R3HDM2: variants seen among roughly 807,000 people sequenced by gnomAD.
R3HDM2 encodes R3H domain containing 2.
In R3HDM2, 38 loss-of-function variants were observed where a neutral mutation model predicts 124.5. That is an observed-to-expected ratio of 0.31 (90% CI 0.24 to 0.40). R3HDM2 has a LOEUF of 0.40. R3HDM2 is among the 10% of genes least tolerant of loss of function. The pLI is 1.00. For synonymous variants in R3HDM2, 391 were observed against 448.0 expected, an observed-to-expected ratio of 0.87 and a Z score of 1.61; for missense variants, 869 against 1,236.9, an observed-to-expected ratio of 0.70 and a Z score of 4.46.
In R3HDM2 at chr12:57,381,490, A is replaced by C. The variant is rs147418756; in HGVS notation, c.-36+14259T>G. Among the ~76,000 whole-genome samples the C allele has an allele frequency of 9.0e-3, 1,331 of 147,566 alleles. 13 individuals carry two copies. Among genetic ancestry groups the C allele is most frequent in the African/African-American group, 0.032 (1,292 of 40,032 alleles). On this transcript the variant is annotated intron_variant, in intron 2 of 23. Coordinates refer to ENST00000402412, the MANE Select transcript of R3HDM2 (RefSeq NM_001394031.1). ...AATCCAGGAGGCGGAAGTTGCAGTG[A>C]GCCGAGATCGTACCACTGCACTCCA...
At position 57,372,030 on chromosome 12, in the gene R3HDM2, G is replaced by T. The variant is rs1025531751; in HGVS notation, c.-36+23719C>A. ...TTGCAGGCATGCACCAACACACCGG[G>T]CTAATTTTTTATTTTTAGTAGAGAT... On this transcript the variant is annotated intron_variant, in intron 2 of 23. Coordinates refer to ENST00000402412, the MANE Select transcript of R3HDM2 (RefSeq NM_001394031.1). Among the ~76,000 whole-genome samples, 4 of 152,294 alleles carry T rather than the reference G, an allele frequency of 2.6e-5. No individual in the cohort carries two copies. In the South Asian group the frequency reaches 8.3e-4, roughly 32 times the overall value.
chr12:57,427,845 G>A (rs886635602), intron 1 of R3HDM2, among the ~76,000 whole-genome samples: 1 of 152,006 alleles, frequency 6.6e-6, no homozygotes, highest in African/African-American at 2.4e-5. Flanking sequence ...GCTCACACCT[G>A]TAATCCCTAC....
In R3HDM2 at chr12:57,254,854, G is replaced by A; in HGVS notation, c.2892C>T (p.Asn964=). 6.2e-7 allele frequency: 1 copy of A among 1,613,614 alleles called. No individual in the cohort carries two copies. Among genetic ancestry groups the A allele is most frequent in the Non-Finnish European group, 8.5e-7 (1 of 1,179,592 alleles). ...GAAGTTTGAAGCGACTCACGGAGTT[G>A]TTGAGACGAAGGGAGGCATTTTGGG... The part of the protein sequence containing the change: ...LAAQNASLRL[N]NSVSRFKLRM... Residue 964 remains asparagine, a synonymous_variant, in exon 24 of 24, where the codon AAC becomes AAT. Coordinates refer to ENST00000402412, the MANE Select transcript of R3HDM2 (RefSeq NM_001394031.1).
chr12:57,310,618 TA>T (rs202076039), intron 2 of R3HDM2, among the ~76,000 whole-genome samples, 155 bp from the exon 3 acceptor site: 43 of 145,488 alleles, frequency 3.0e-4, no homozygotes, highest in East Asian at 7.9e-4. Context: ...TTCATTTCTT[TA>T]AAAAAAAAAA....
rs1450938977 is a variant in R3HDM2 at position 57,367,313 on chromosome 12, G to A, written c.-36+28436C>T. On this transcript the variant is annotated intron_variant, in intron 2 of 23. Coordinates refer to ENST00000402412, the MANE Select transcript of R3HDM2 (RefSeq NM_001394031.1). Reference sequence around the variant, plus strand: ...AGGAAAGTTCAATAGAACTTTCTGTGATGATGAAACTGGGGCTACTAAGTA... The same window carrying A: ...AGGAAAGTTCAATAGAACTTTCTGTAATGATGAAACTGGGGCTACTAAGTA... Among the ~76,000 whole-genome samples, 4 of 152,206 alleles carry A rather than the reference G, an allele frequency of 2.6e-5. No homozygotes were observed. In the East Asian group the frequency reaches 7.7e-4, roughly 29 times the overall value.
chr12:57,412,525 G>A (rs746105706), intron 1 of R3HDM2, among the ~76,000 whole-genome samples: 1 of 152,056 alleles, frequency 6.6e-6, no homozygotes, highest in Non-Finnish European at 1.5e-5. Flanking sequence ...CTGGGCAACA[G>A]AGTGAGATTC....
chr12:57,279,761 G>A (rs778274449), intron 14 of R3HDM2, among the ~76,000 whole-genome samples: 1 of 152,104 alleles, frequency 6.6e-6, no homozygotes, highest in Non-Finnish European at 1.5e-5. Context: ...CTCCACAGAT[G>A]CAAAACTTCA....
intron 4 of R3HDM2, among the ~76,000 whole-genome samples, chr12:57,302,152 G>A (rs923413764): frequency 1.2e-4 from 18 of 152,060 alleles, no homozygotes; most frequent in African/African-American, 3.9e-4. Context: ...CTAGTGGTGT[G>A]TGCCTGTAAG....
intron 2 of R3HDM2, among the ~76,000 whole-genome samples, chr12:57,385,269 G>A (rs2065550630): frequency 6.8e-6 from 1 of 147,968 alleles, no homozygotes; most frequent in Admixed American, 6.7e-5. Flanking sequence ...TTGAGACGGA[G>A]TCTCACTCTG....
chr12:57,409,613 C>G (rs1268464844), intron 1 of R3HDM2, among the ~76,000 whole-genome samples: 1 of 151,934 alleles, frequency 6.6e-6, no homozygotes, highest in Non-Finnish European at 1.5e-5. Context: ...AAATCACTAC[C>G]TAATTGAAGA....
At chr12:57,292,802 C>T in intron 10 of R3HDM2, 135 bp from the exon 11 acceptor site, 1 of 659,762 alleles carries the variant, frequency 1.5e-6, no homozygotes, top group Non-Finnish European at 2.6e-6. Flanking sequence ...ATAAAATTTC[C>T]AGTCCTGGAG....
Position 57,269,017 on chromosome 12 carries a change from G to C in R3HDM2, c.1780C>G (p.Pro594Ala), listed in dbSNP as rs758514414. 33 of 1,614,110 alleles carry C rather than the reference G, an allele frequency of 2.0e-5. No individual in the cohort carries two copies. The highest frequency in any genetic ancestry group is 2.7e-5 in the Non-Finnish European group (32 of 1,180,052). Residue 594 changes from proline to alanine, a missense_variant, in exon 17 of 24, where the codon CCA (proline) becomes GCA (alanine). Around this residue, in one of 2 missense-constraint regions of R3HDM2, gnomAD observed 602 missense variants for 789.2 expected, o/e 0.76. Coordinates refer to ENST00000402412, the MANE Select transcript of R3HDM2 (RefSeq NM_001394031.1). ...CTGCTGAGCAGGCCCTGGTTCTGTG[G>C]CTGCTGGACCCCAATCATGCCTTGG... ...AYQGMIGVQQ[P>A]QNQGLLSSQR...
intron 2 of R3HDM2, among the ~76,000 whole-genome samples, chr12:57,356,427 C>T (rs2061300259): frequency 6.6e-6 from 1 of 152,162 alleles, no homozygotes; most frequent in Non-Finnish European, 1.5e-5. Context: ...CCTTGAATTT[C>T]TGTGATAAAC....
chr12:57,282,515 C>T (rs566288403), intron 13 of R3HDM2, among the ~76,000 whole-genome samples: 66 of 151,954 alleles, frequency 4.3e-4, no homozygotes, highest in Admixed American at 6.6e-4. Flanking sequence ...GGCTAAGCAA[C>T]CAGATGCAAT....
chr12:57,427,355 CT>C (rs147527242), intron 1 of R3HDM2, among the ~76,000 whole-genome samples: 73,143 of 139,902 alleles, frequency 0.52, 19,061 homozygotes, highest in African/African-American at 0.59. Context: ...TCTCCTGAAG[CT>C]TTTTTTTTTT....
At chr12:57,323,120 C>T (rs2056724912) in intron 2 of R3HDM2, among the ~76,000 whole-genome samples, 1 of 152,118 alleles carries the variant, frequency 6.6e-6, no homozygotes, top group African/African-American at 2.4e-5. Context: ...TGTTCAGGGC[C>T]ATACACTACA....
intron 2 of R3HDM2, among the ~76,000 whole-genome samples, chr12:57,375,660 AG>A (rs2063953300): frequency 6.7e-6 from 1 of 148,814 alleles, no homozygotes; most frequent in Admixed American, 6.8e-5. Flanking sequence ...GTACTTATCC[AG>A]GTCAGATCAG....
intron 1 of R3HDM2, among the ~76,000 whole-genome samples, chr12:57,420,519 CTTT>C (rs759872645): frequency 8.0e-6 from 1 of 124,896 alleles, no homozygotes. Context: ...TACTGGTTTT[CTTT>C]TTTTTTTTTT....
intron 2 of R3HDM2, among the ~76,000 whole-genome samples, chr12:57,367,989 G>A (rs1427172320): frequency 8.6e-5 from 13 of 150,300 alleles, no homozygotes; most frequent in Admixed American, 8.6e-4. Flanking sequence ...GTTTCTCTGG[G>A]TCTGATTCAG....
Sources: gnomAD v4.1 joint callset for allele counts (sites outside exome capture counted in the v4.1 genomes callset) on GRCh38, gnomAD v4.1.1 for gene constraint, gnomAD v4.1.1 regional missense constraint, MANE v1.5 for transcripts, NCBI Gene and HGNC (gene_info 2026-07-23, HGNC 2026-07-21) for gene names.